INF2: variants seen among roughly 807,000 people sequenced by gnomAD.
The protein encoded by INF2 is inverted formin 2, also known as inverted formin-2.
A neutral mutation model predicts 123.5 loss-of-function variants in INF2; 43 were observed. That is an observed-to-expected ratio of 0.35 (90% confidence interval 0.27 to 0.45). The LOEUF (loss-of-function observed/expected upper bound fraction) is 0.45. INF2 is among the 20% of genes least tolerant of loss of function. The probability of loss-of-function intolerance (pLI) is 1.00; values close to 1 mark genes in which losing one functional copy is unlikely to be tolerated. For missense variants in INF2, 1,453 were observed against 1,682.7 expected, an observed-to-expected ratio of 0.86 and a Z score of 2.39; for synonymous variants, 851 against 745.0, an observed-to-expected ratio of 1.14 and a Z score of -2.32.
chr14:104,715,787 C>T (rs1890270887), intron 22 of INF2: 1 of 474,522 alleles, frequency 2.1e-6, no homozygotes, highest in South Asian at 1.5e-5. Context: ...GCTATCTTCA[C>T]TCTAAGTGTG....
In INF2 at chr14:104,710,761, G is replaced by A. The variant is rs373003213; in HGVS notation, c.2240-176G>A. 112 of 611,146 alleles carry A rather than the reference G, an allele frequency of 1.8e-4. 1 individual carries two copies. In the Middle Eastern group the frequency reaches 2.2e-3, roughly 12 times the overall value. The allele number at this position is 611,146 out of a possible 1,614,324, so 37.9% of individuals were successfully genotyped here. ...AGGCACACTGTAGGTGTCCACTCCCGTCGGTGGAGGGTTTGCAGCCCCCAG... is the reference window on the plus strand; with the variant it reads ...AGGCACACTGTAGGTGTCCACTCCCATCGGTGGAGGGTTTGCAGCCCCCAG... On this transcript the variant is annotated intron_variant, in intron 13 of 22. Coordinates refer to ENST00000392634, the MANE Select transcript of INF2 (RefSeq NM_022489.4).
In INF2 at chr14:104,699,286, AG is replaced by A. The variant is rs1889355591; in HGVS notation, c.-9-2067del. 1.8e-6 allele frequency: 1 copy of A among 542,416 alleles called. No individual in the cohort carries two copies. Among genetic ancestry groups the A allele is most frequent in the East Asian group, 1.5e-4 (1 of 6,668 alleles). The allele number at this position is 542,416 out of a possible 1,614,324, so 33.6% of individuals were successfully genotyped here. A position where few individuals can be genotyped will look rare whatever the true frequency, so the allele number is the denominator to read the frequency against. On this transcript the variant is annotated intron_variant, in intron 1 of 22. Transcript: ENST00000392634. The surrounding 1 kb of genome is among the most constrained non-coding windows in gnomAD (Gnocchi z 4.7). ...AACTCCGTCCACTCAGCCTGTGCCA[AG>A]GGGACAGGGACTCCGGCCAATGGAG...
chr14:104,711,288 G>A (rs1012168939), intron 15 of INF2, 102 bp downstream of exon 15: 25 of 1,021,602 alleles, frequency 2.4e-5, no homozygotes, highest in East Asian at 1.6e-4. Context: ...CACTCAGGCC[G>A]CCGGTCTCCC....
intron 1 of INF2, among the ~76,000 whole-genome samples, chr14:104,698,624 G>A (rs1476954368): frequency 6.6e-6 from 1 of 152,258 alleles, no homozygotes; most frequent in Non-Finnish European, 1.5e-5. Flanking sequence ...TGGGGCCAGT[G>A]GCCAGATTGC....
chr14:104,710,419 A>G (rs1358049434), intron 13 of INF2, among the ~76,000 whole-genome samples: 2 of 148,178 alleles, frequency 1.3e-5, no homozygotes, highest in Admixed American at 6.7e-5. Context: ...GCACGTGCAC[A>G]CACACAAGCA....
In INF2 at chr14:104,713,540, G is replaced by A. The variant is rs749482670; in HGVS notation, c.2974G>A (p.Gly992Ser). The A allele has an allele frequency of 1.9e-6, 3 of 1,611,628 alleles. No individual in the cohort carries two copies. Among genetic ancestry groups the A allele is most frequent in the Admixed American group, 1.7e-5 (1 of 59,920 alleles). The change falls in exon 20 of 23, where the codon GGC becomes AGC. Residue 992 changes from glycine (G) to serine (S), a missense_variant. Gly to Ser is a moderately conservative substitution (Grantham distance 56). Transcript: ENST00000392634. ...KGFQLRKTAR[G>S]RGDTDGGSKA... ...CTTCCAGCTGCGGAAGACAGCCCGG[G>A]GCCGCGGGGACACCGACGGGGGCAG... is the stretch of plus-strand genomic sequence containing the variant.
At chr14:104,684,877 T>C (rs2140573718), upstream of INF2, 1 of 152,324 alleles carries the variant, frequency 6.6e-6, no homozygotes, top group South Asian at 2.1e-4. The surrounding 1 kb of genome is among the most constrained non-coding windows in gnomAD (Gnocchi z 5.0). Context: ...CAGTACACAA[T>C]AGAGTTATTT....
At chr14:104,683,614 C>CCA (rs1378165247) in intron 1 of INF2, among the ~76,000 whole-genome samples, 5 of 134,700 alleles carry the variant, frequency 3.7e-5, no homozygotes, top group Admixed American at 2.3e-4. Flanking sequence ...CCCCTCCCCA[C>CCA]CACACACACA....
At chr14:104,709,920 A>T (rs1889966939) in intron 12 of INF2, among the ~76,000 whole-genome samples, 168 bp from the exon 13 acceptor site, 1 of 152,164 alleles carries the variant, frequency 6.6e-6, no homozygotes, top group Admixed American at 6.5e-5. Flanking sequence ...CTCTGGAGGA[A>T]TTGGATCCTG....
Position 104,715,304 on chromosome 14 carries a change from G to A in INF2, c.3715G>A (p.Asp1239Asn), listed in dbSNP as rs1177010650. 27 of 1,613,538 alleles carry A rather than the reference G, an allele frequency of 1.7e-5. No homozygotes were observed. The highest frequency in any genetic ancestry group is 2.2e-5 in the Non-Finnish European group (26 of 1,179,866). ...AGCAGAGGTTCCCCCTGATTCTGATGATAATAAAACAAAGAAACTGTGTGT... is the reference window on the plus strand; with the variant it reads ...AGCAGAGGTTCCCCCTGATTCTGATAATAATAAAACAAAGAAACTGTGTGT... ...SQEEVPPDSD[D>N]NKTKKLCVIQ Residue 1239 changes from aspartate (D) to asparagine (N), a missense_variant, in exon 22 of 23, where the codon GAT becomes AAT. Coordinates refer to ENST00000392634, the MANE Select transcript of INF2 (RefSeq NM_022489.4).
At chr14:104,692,052 G>T (rs1888979034) in intron 1 of INF2, among the ~76,000 whole-genome samples, 1 of 152,206 alleles carries the variant, frequency 6.6e-6, no homozygotes, top group Non-Finnish European at 1.5e-5. Flanking sequence ...GGTTGCTTAG[G>T]GTCGCCCCTC....
chr14:104,712,970 A>ACCTTTTCCTCCGCGC lies in INF2; in HGVS notation c.2757_2771dup (p.Phe920_Leu924dup). ...TTCAGCACCATGAAGGCTTTCCGGGACCTTTTCCTCCGCGCCCTGAAGGTG... is the reference window on the plus strand; with the variant it reads ...TTCAGCACCATGAAGGCTTTCCGGGACCTTTTCCTCCGCGCCCTTTTCCTCCGCGCCCTGAAGGTG... On this transcript the variant is annotated inframe_insertion, in exon 18 of 23. Coordinates refer to ENST00000392634, the MANE Select transcript of INF2 (RefSeq NM_022489.4). 1 of 1,612,552 alleles carries ACCTTTTCCTCCGCGC rather than the reference A, an allele frequency of 6.2e-7. No homozygotes were observed. Among genetic ancestry groups the ACCTTTTCCTCCGCGC allele is most frequent in the Non-Finnish European group, 8.5e-7 (1 of 1,179,790 alleles).
At chr14:104,716,609 G>A (rs1339698461) in intron 22 of INF2, among the ~76,000 whole-genome samples, 1 of 152,210 alleles carries the variant, frequency 6.6e-6, no homozygotes, top group East Asian at 1.9e-4. Flanking sequence ...TGCTACACGT[G>A]CTTAGCCTCC....
chr14:104,709,744 C>G (rs748697121), intron 12 of INF2, 39 bp downstream of exon 12: 4 of 1,564,092 alleles, frequency 2.6e-6, no homozygotes, highest in Non-Finnish European at 2.6e-6. Context: ...GCCTGGGCCC[C>G]AGGTGGGAGG....
Position 104,699,732 on chromosome 14 carries a change from C to A in INF2, c.-9-1625C>A. On this transcript the variant is annotated intron_variant, in intron 1 of 22. Transcript: ENST00000392634. The surrounding 1 kb of genome is among the most constrained non-coding windows in gnomAD (Gnocchi z 4.7). Reference sequence around the variant, plus strand: ...GACCCCCTGCAGGGAGGAGGGGCATCCCAAGGACAGCCTCTCAGGATGCTC... The same window carrying A: ...GACCCCCTGCAGGGAGGAGGGGCATACCAAGGACAGCCTCTCAGGATGCTC... 3.0e-6 allele frequency: 1 copy of A among 331,996 alleles called. No homozygotes were observed. Among genetic ancestry groups the A allele is most frequent in the Non-Finnish European group, 4.3e-6 (1 of 232,560 alleles). 20.6% of individuals were successfully genotyped at this position (331,996 alleles called of 1,614,324 possible).
At chr14:104,701,092 C>T (rs1217676997) in intron 1 of INF2, among the ~76,000 whole-genome samples, 1 of 152,186 alleles carries the variant, frequency 6.6e-6, no homozygotes, top group Non-Finnish European at 1.5e-5. Flanking sequence ...CCTCCCCTCC[C>T]AGCCCTGAGC....
intron 1 of INF2, among the ~76,000 whole-genome samples, chr14:104,683,456 G>A (rs576536464): frequency 2.6e-5 from 4 of 152,274 alleles, no homozygotes; most frequent in South Asian, 2.1e-4. Flanking sequence ...TGGAGCCGTG[G>A]GGCAGGGAGG....
At chr14:104,714,982 A>G in intron 21 of INF2, 126 bp downstream of exon 21, 1 of 1,055,356 alleles carries the variant, frequency 9.5e-7, no homozygotes, top group Non-Finnish European at 1.3e-6. Flanking sequence ...TGGGTGCGGC[A>G]CGGGAGAGGA....
chr14:104,713,049 T>A, intron 18 of INF2, 57 bp downstream of exon 18: 1 of 1,609,048 alleles, frequency 6.2e-7, no homozygotes, highest in Non-Finnish European at 8.5e-7. Context: ...CCGAGGCCCC[T>A]GGCCTTCCTC....
Sources: gnomAD v4.1 joint callset for allele counts (sites outside exome capture counted in the v4.1 genomes callset) on GRCh38, gnomAD v4.1.1 for gene constraint, Gnocchi (gnomAD v3.1) non-coding constraint, MANE v1.5 for transcripts, NCBI Gene and HGNC (gene_info 2026-07-23, HGNC 2026-07-21) for gene names.